The following XKR9 variants were observed in gnomAD, a reference collection of about 807,000 sequenced individuals.
The protein encoded by XKR9 is XK related 9, also known as XK-related protein 9.
In XKR9, 32 loss-of-function variants were observed where a neutral mutation model predicts 32.0. The observed-to-expected ratio is 1.00, with a 90% confidence interval of 0.76 to 1.34. The LOEUF (loss-of-function observed/expected upper bound fraction) is 1.34. Ranked by LOEUF, XKR9 falls within the 40% of genes most tolerant of loss-of-function variation. The pLI, the probability that XKR9 is intolerant of heterozygous loss-of-function variation, is 0.00. For synonymous variants in XKR9, 168 were observed against 143.4 expected (o/e 1.17, Z -1.22); for missense variants, 546 against 429.7 (o/e 1.27, Z -2.39).
At chr8:70,917,646 C>T in the XKR9 span, among the ~76,000 whole-genome samples, 1 of 152,206 alleles carries the variant, frequency 6.6e-6, no homozygotes, top group Non-Finnish European at 1.5e-5. Context: ...AATGACATGG[C>T]TGAATCTATT....
At chr8:70,719,546 T>C (rs1421971427) in intron 4 of XKR9, among the ~76,000 whole-genome samples, 1 of 152,168 alleles carries the variant, frequency 6.6e-6, no homozygotes, top group Non-Finnish European at 1.5e-5. Flanking sequence ...CCCAACACCA[T>C]TTATTAAATA....
chr8:70,695,901 T>C (rs34085166), intron 3 of XKR9, among the ~76,000 whole-genome samples: 59,472 of 149,698 alleles, frequency 0.4, 13,275 homozygotes, highest in Non-Finnish European at 0.52. Flanking sequence ...CTCATTGTGG[T>C]TTTGATTTGC....
At chr8:70,771,380 A>G (rs532371868) in intron 2 of XKR9, among the ~76,000 whole-genome samples, 68 of 152,306 alleles carry the variant, frequency 4.5e-4, no homozygotes, top group Non-Finnish European at 7.6e-4. Context: ...TTATTTTTAC[A>G]AAGCCTGACT....
chr8:70,941,272 G>T, the XKR9 span, among the ~76,000 whole-genome samples: 1 of 151,946 alleles, frequency 6.6e-6, no homozygotes, highest in Non-Finnish European at 1.5e-5. Flanking sequence ...ATACTTTTCA[G>T]GTTACACATT....
chr8:70,840,679 C>T, the XKR9 span, among the ~76,000 whole-genome samples: 4 of 152,246 alleles, frequency 2.6e-5, no homozygotes, highest in South Asian at 8.3e-4. Context: ...CCTAAAATCC[C>T]TGAGAGGCCT....
In XKR9 at chr8:70,734,508, C is replaced by T. The variant is rs1437575094; in HGVS notation, c.*84C>T. On this transcript the variant is annotated 3_prime_UTR_variant, in exon 5 of 5. Coordinates refer to ENST00000408926, the MANE Select transcript of XKR9 (RefSeq NM_001011720.2). Reference sequence around the variant, plus strand: ...TGTGTGTTATGTGGGTGTGTTGTCTCTTATTTTTGCCACCTTTAATTTGAA... The same window carrying T: ...TGTGTGTTATGTGGGTGTGTTGTCTTTTATTTTTGCCACCTTTAATTTGAA... The T allele has an allele frequency of 5.1e-6, 7 of 1,376,462 alleles. No individual in the cohort carries two copies. In the South Asian group the frequency reaches 7.5e-5, roughly 15 times the overall value. The allele number at this position is 1,376,462 out of a possible 1,614,324, so 85.3% of individuals were successfully genotyped here.
the XKR9 span, among the ~76,000 whole-genome samples, chr8:70,968,831 C>A: frequency 2.0e-4 from 31 of 152,206 alleles, no homozygotes; most frequent in Non-Finnish European, 2.5e-4. Flanking sequence ...GGAACTCTGT[C>A]CCAGTGGGGC....
intron 2 of XKR9, among the ~76,000 whole-genome samples, chr8:70,783,284 T>A (rs1006838179): frequency 2.0e-5 from 3 of 151,974 alleles, no homozygotes; most frequent in Non-Finnish European, 4.4e-5. Flanking sequence ...TGGAGTGCAG[T>A]GGCATGATCT....
chr8:70,807,907 G>GATC, the XKR9 span, among the ~76,000 whole-genome samples: 1 of 152,146 alleles, frequency 6.6e-6, no homozygotes, highest in Admixed American at 6.5e-5. Context: ...TCTGGATCAA[G>GATC]TGGATCTAAT....
chr8:70,776,156 C>T (rs1807517519), intron 2 of XKR9, among the ~76,000 whole-genome samples: 1 of 152,108 alleles, frequency 6.6e-6, no homozygotes, highest in Admixed American at 6.6e-5. Flanking sequence ...TAAAAGAGTT[C>T]TTTTTAAAAC....
the XKR9 span, among the ~76,000 whole-genome samples, chr8:71,033,533 G>A: frequency 6.6e-6 from 1 of 152,068 alleles, no homozygotes; most frequent in Non-Finnish European, 1.5e-5. Context: ...CTCCAATGTG[G>A]CAATGTTGGG....
the XKR9 span, among the ~76,000 whole-genome samples, chr8:70,967,496 T>C: frequency 2.6e-5 from 4 of 152,302 alleles, no homozygotes; most frequent in East Asian, 5.8e-4. Flanking sequence ...GCTGGTTATT[T>C]TGCAGACTTG....
the XKR9 span, among the ~76,000 whole-genome samples, chr8:70,977,522 A>C: frequency 1.3e-5 from 2 of 152,226 alleles, no homozygotes; most frequent in Admixed American, 1.3e-4. Flanking sequence ...CATTTTTCTC[A>C]GTTTCCATGT....
At chr8:70,740,888 C>T (rs1036095072), downstream of XKR9, among the ~76,000 whole-genome samples, 12 of 152,232 alleles carry the variant, frequency 7.9e-5, no homozygotes, top group Non-Finnish European at 1.2e-4. Flanking sequence ...TGGGGGTTGC[C>T]TCCCAGTTAG....
chr8:70,872,963 G>A, the XKR9 span, among the ~76,000 whole-genome samples: 1 of 152,090 alleles, frequency 6.6e-6, no homozygotes, highest in Non-Finnish European at 1.5e-5. Flanking sequence ...TCTGGCCACA[G>A]CTGGTACTTA....
chr8:70,825,861 C>T, the XKR9 span, among the ~76,000 whole-genome samples: 1 of 152,000 alleles, frequency 6.6e-6, no homozygotes, highest in African/African-American at 2.4e-5. Context: ...TTTTCCTCTA[C>T]CCCTGCAACA....
At chr8:71,042,852 C>G in the XKR9 span, among the ~76,000 whole-genome samples, 1 of 152,112 alleles carries the variant, frequency 6.6e-6, no homozygotes, top group African/African-American at 2.4e-5. Context: ...CATGCAAGAC[C>G]CTGGTGGTTA....
chr8:71,050,246 T>TATATATATAG, the XKR9 span, among the ~76,000 whole-genome samples: 4 of 124,274 alleles, frequency 3.2e-5, no homozygotes, highest in Non-Finnish European at 4.9e-5. Context: ...GATATATATA[T>TATATATATAG]ATATATATAT....
chr8:71,035,943 A>G, the XKR9 span, among the ~76,000 whole-genome samples: 1 of 152,196 alleles, frequency 6.6e-6, no homozygotes, highest in Non-Finnish European at 1.5e-5. Flanking sequence ...ACAGAGAAGA[A>G]TCTGAACAAA....
Sources: gnomAD v4.1 joint callset for allele counts (sites outside exome capture counted in the v4.1 genomes callset) on GRCh38, gnomAD v4.1.1 for gene constraint, MANE v1.5 for transcripts, NCBI Gene and HGNC (gene_info 2026-07-23, HGNC 2026-07-21) for gene names.